ARVCF: variants seen among roughly 807,000 people sequenced by gnomAD.
ARVCF encodes ARVCF delta catenin family member.
In ARVCF, 66 loss-of-function variants were observed where a neutral mutation model predicts 90.9. The ratio of observed to expected loss-of-function variants is 0.73; its 90% CI spans 0.60 to 0.89. The LOEUF is 0.89. ARVCF is among the 40% of genes least tolerant of loss of function. ARVCF has a pLI of 0.00. For missense variants in ARVCF, 1,469 were observed against 1,382.3 expected (o/e 1.06, Z -1.00); for synonymous variants, 653 against 603.4 (o/e 1.08, Z -1.21).
chr22:19,974,211 C>G lies in ARVCF; in HGVS notation c.1989G>C (p.Val663=). Residue 663 remains valine, a synonymous_variant, in exon 12 of 20, where the codon GTG becomes GTC. Transcript: ENST00000263207. The stretch of plus-strand genomic sequence containing the variant: ...TGAGGAGGGAGAGGTAGAGACGTAC[C>G]ACCTCGGGCTGGTACAGCAGCTCAA... The part of the protein sequence containing the change: ...KGFELLYQPE[V]VRLYLSLLTE... 6.2e-7 allele frequency: 1 copy of G among 1,612,212 alleles called. No individual in the cohort carries two copies. Among genetic ancestry groups the G allele is most frequent in the South Asian group, 1.1e-5 (1 of 91,020 alleles).
Position 19,980,162 on chromosome 22 carries a change from G to A in ARVCF, c.977C>T (p.Ala326Val). ...GCCCATGCTGCCCCGTTCAGGCTGG[G>A]CCAGGGGCGCCGTCACCATTGGGAA... ...PAFPMVTAPL[A>V]QPERGSMGSL... is the part of the protein sequence containing the mutation. The change falls in exon 6 of 20, where the codon GCC (alanine) becomes GTC (valine). Residue 326 changes from alanine (A) to valine (V), a missense_variant. Physicochemically the swap from Ala to Val is moderately conservative, Grantham distance 64 (BLOSUM62 0). Transcript: ENST00000263207. 6.3e-7 allele frequency: 1 copy of A among 1,582,024 alleles called. No homozygotes were observed. Among genetic ancestry groups the A allele is most frequent in the Non-Finnish European group, 8.6e-7 (1 of 1,165,322 alleles).
chr22:19,967,747 G>A (rs1285328997), downstream of ARVCF: 2 of 267,860 alleles, frequency 7.5e-6, no homozygotes, highest in Non-Finnish European at 1.5e-5. Flanking sequence ...AAGACAAGGT[G>A]ACTGGGGTGT....
Position 19,980,092 on chromosome 22 carries a change from G to A in ARVCF, c.1047C>T (p.Ala349=). 2 of 1,584,226 alleles carry A rather than the reference G, an allele frequency of 1.3e-6. No individual in the cohort carries two copies. The highest frequency in any genetic ancestry group is 2.2e-5 in the South Asian group (2 of 89,036). Reference sequence around the variant, plus strand: ...GGTCCCGCCAGCGCGGCTCCTTGCGGGCGCTATCCACTGAGGGCGAGCGCC... The same window carrying A: ...GGTCCCGCCAGCGCGGCTCCTTGCGAGCGCTATCCACTGAGGGCGAGCGCC... ...LVRRSPSVDS[A]RKEPRWRDPE... The change falls in exon 6 of 20, where the codon GCC becomes GCT. Residue 349 remains alanine, a synonymous_variant. Transcript: ENST00000263207.
intron 6 of ARVCF, 48 bp downstream of exon 6, chr22:19,979,693 TCA>T: frequency 6.5e-7 from 1 of 1,537,136 alleles, no homozygotes; most frequent in Non-Finnish European, 8.8e-7. Flanking sequence ...GGGTTGAGCC[TCA>T]CACTCTTCTC....
chr22:19,981,209 A>C lies in ARVCF; in HGVS notation c.896+2T>G. The C allele has an allele frequency of 6.5e-7, 1 of 1,531,714 alleles. No homozygotes were observed. The highest frequency in any genetic ancestry group is 1.4e-5 in the African/African-American group (1 of 72,744). The allele number at this position is 1,531,714 out of a possible 1,614,324, so 94.9% of individuals were successfully genotyped here. ...AGCCACAGGGGACGGGGTGCAGCTC[A>C]CCTGGTATGAAGGCCCCGCCCACAC... On this transcript the variant is annotated splice_donor_variant, in intron 5 of 19. Coordinates refer to ENST00000263207, the MANE Select transcript of ARVCF (RefSeq NM_001670.3). LOFTEE classifies it high-confidence loss of function.
chr22:19,995,491 G>A (rs2238790), intron 2 of ARVCF, among the ~76,000 whole-genome samples: 99,314 of 151,998 alleles, frequency 0.65, 33,241 homozygotes, highest in African/African-American at 0.77. Context: ...ACCATGGTCA[G>A]CACACACTGT....
chr22:19,972,498 C>T, intron 16 of ARVCF, 87 bp from the exon 17 acceptor site: 2 of 1,526,958 alleles, frequency 1.3e-6, no homozygotes, highest in Non-Finnish European at 9.0e-7. Flanking sequence ...GCCCAGGTAG[C>T]CCTAGAGGCT....
At position 19,981,504 on chromosome 22, in the gene ARVCF, A is replaced by G; in HGVS notation, c.603T>C (p.Tyr201=). The change falls in exon 5 of 20, where the codon TAT becomes TAC. Residue 201 remains tyrosine, a synonymous_variant. Transcript: ENST00000263207. ...EGPEPRDSPS[Y]GSLSRGLGMR... Reference sequence around the variant, plus strand: ...TGCCCAGCCCTCGGGACAGGCTGCCATAGCTGGGGCTGTCCCGGGGCTCGG... The same window carrying G: ...TGCCCAGCCCTCGGGACAGGCTGCCGTAGCTGGGGCTGTCCCGGGGCTCGG... 6.4e-7 allele frequency: 1 copy of G among 1,561,522 alleles called. No homozygotes were observed. The highest frequency in any genetic ancestry group is 8.7e-7 in the Non-Finnish European group (1 of 1,155,202).
At chr22:19,987,086 G>A in intron 3 of ARVCF, 1 of 609,780 alleles carries the variant, frequency 1.6e-6, no homozygotes, top group Non-Finnish European at 3.0e-6. Context: ...TCTGAGTTCG[G>A]CCGGCATCGG....
intron 2 of ARVCF, among the ~76,000 whole-genome samples, chr22:20,005,499 C>T (rs1417811181): frequency 6.6e-6 from 1 of 152,080 alleles, no homozygotes; most frequent in Non-Finnish European, 1.5e-5. Context: ...TATGGTCCAG[C>T]AATCAGAAAA....
At chr22:19,981,883 T>C (rs776713534) in intron 4 of ARVCF, 50 bp downstream of exon 4, 7 of 1,596,392 alleles carry the variant, frequency 4.4e-6, no homozygotes, top group Non-Finnish European at 5.1e-6. Flanking sequence ...GTGGGACAGC[T>C]GCAGCAGCCT....
intron 9 of ARVCF, 54 bp downstream of exon 9, chr22:19,977,361 C>T (rs1170619113): frequency 2.0e-5 from 29 of 1,464,088 alleles, no homozygotes; most frequent in Middle Eastern, 3.7e-4. Flanking sequence ...GAGAGCCTTC[C>T]GCTGGGGCAG....
intron 4 of ARVCF, 24 bp from the exon 5 acceptor site, chr22:19,981,761 G>GT (rs1159725650): frequency 6.4e-7 from 1 of 1,554,220 alleles, no homozygotes; most frequent in Non-Finnish European, 8.7e-7. Flanking sequence ...AGGCAGGTAG[G>GT]TGGGGTAGCA....
At position 19,977,444 on chromosome 22, in the gene ARVCF, G is replaced by A; in HGVS notation, c.1841C>T (p.Ala614Val). 1 of 1,549,296 alleles carries A rather than the reference G, an allele frequency of 6.5e-7. No individual in the cohort carries two copies. The highest frequency in any genetic ancestry group is 8.7e-7 in the Non-Finnish European group (1 of 1,146,888). ...GGCCTTCTTGCCTCCAAAGCAGCTGGCATCATCCCGCCTCCGGCGCTGGGA... is the reference window on the plus strand; with the variant it reads ...GGCCTTCTTGCCTCCAAAGCAGCTGACATCATCCCGCCTCCGGCGCTGGGA... ...VGSQRRRRDD[A>V]SCFGGKKAKE... Residue 614 changes from alanine (A) to valine (V), a missense_variant, in exon 9 of 20, where the codon GCC becomes GTC. By Grantham distance (64) the Ala-to-Val change is moderately conservative. Transcript: ENST00000263207.
chr22:19,973,784 A>G lies in ARVCF; in HGVS notation c.2098T>C (p.Tyr700His). 6 of 1,605,292 alleles carry G rather than the reference A, an allele frequency of 3.7e-6. No homozygotes were observed. The highest frequency in any genetic ancestry group is 5.1e-6 in the Non-Finnish European group (6 of 1,179,072). ...TCTTTGCGCACTGTGGCGCGGATGTACGTGGCCCACTGCGGAGGCGGGGAG... is the reference window on the plus strand; with the variant it reads ...TCTTTGCGCACTGTGGCGCGGATGTGCGTGGCCCACTGCGGAGGCGGGGAG... ...LSAGNWMWAT[Y>H]IRATVRKERG... Residue 700 changes from tyrosine (Y) to histidine (H), a missense_variant, in exon 13 of 20, where the codon TAC becomes CAC. Tyr to His is a moderately conservative substitution (Grantham distance 83). Transcript: ENST00000263207.
At chr22:19,994,351 GATGA>G (rs796251430) in intron 2 of ARVCF, among the ~76,000 whole-genome samples, 29 of 133,092 alleles carry the variant, frequency 2.2e-4, no homozygotes, top group African/African-American at 7.6e-4. Flanking sequence ...TAGACATACA[GATGA>G]ATGGATGGAT....
intron 12 of ARVCF, 117 bp from the exon 13 acceptor site, chr22:19,973,910 C>T (rs75281572): frequency 0.042 from 62,598 of 1,494,236 alleles, 1,430 homozygotes; most frequent in East Asian, 0.053. Context: ...AAAGCCCTAC[C>T]CCAAAAGCTC....
rs146960902 is a variant in ARVCF, at chr22:19,974,207, G to C, written c.1993C>G (p.Arg665Gly). ...TCCGTGAGGAGGGAGAGGTAGAGAC[G>C]TACCACCTCGGGCTGGTACAGCAGC... ...FELLYQPEVVRLYLSLLTESR... is the reference protein window; with the variant it reads ...FELLYQPEVVGLYLSLLTESR... The change falls in exon 12 of 20, where the codon CGT (arginine) becomes GGT (glycine). Residue 665 changes from arginine (R) to glycine (G), a missense_variant. Arg to Gly is a moderately radical substitution (Grantham distance 125). Coordinates refer to ENST00000263207, the MANE Select transcript of ARVCF (RefSeq NM_001670.3). The C allele has an allele frequency of 3.1e-6, 5 of 1,612,202 alleles. No individual in the cohort carries two copies. The African/African-American group carries it at 4.0e-5, about 13-fold the overall frequency.
In ARVCF at chr22:19,980,226, C is replaced by T; in HGVS notation, c.913G>A (p.Ala305Thr). ...GLHTRAYEDT[A>T]DDGGELADER... ...TCCGCCAGCTCGCCGCCATCATCTG[C>T]TGTGTCCTCGTAGGCCCTGCACAGG... Residue 305 changes from alanine (A) to threonine (T), a missense_variant, in exon 6 of 20, where the codon GCA becomes ACA. Physicochemically the swap from Ala to Thr is moderately conservative, Grantham distance 58 (BLOSUM62 0). Coordinates refer to ENST00000263207, the MANE Select transcript of ARVCF (RefSeq NM_001670.3). 1 of 1,536,346 alleles carries T rather than the reference C, an allele frequency of 6.5e-7. No homozygotes were observed. The highest frequency in any genetic ancestry group is 1.2e-5 in the South Asian group (1 of 81,806).
Sources: allele counts gnomAD v4.1 joint callset (sites outside exome capture counted in the v4.1 genomes callset), GRCh38; gene constraint gnomAD v4.1.1; transcripts MANE v1.5; gene names NCBI Gene and HGNC (gene_info 2026-07-23, HGNC 2026-07-21).